The following STAG3 variants were observed in gnomAD, a reference collection of about 807,000 sequenced individuals.
The protein encoded by STAG3 is STAG3 cohesin complex component.
In STAG3, 101 loss-of-function variants were observed where a neutral mutation model predicts 160.7. That is an observed-to-expected ratio of 0.63 (90% CI 0.54 to 0.74). The LOEUF (loss-of-function observed/expected upper bound fraction) is 0.74. Ranked by LOEUF, STAG3 falls within the 30% of genes least tolerant of loss-of-function variation. STAG3 has a pLI of 0.00. For synonymous variants in STAG3, 519 were observed against 585.0 expected, an observed-to-expected ratio of 0.89 and a Z score of 1.63; for missense variants, 1,188 against 1,517.4, an observed-to-expected ratio of 0.78 and a Z score of 3.61.
chr7:100,208,859 G>C (rs1379080399), intron 29 of STAG3, among the ~76,000 whole-genome samples: 2 of 152,132 alleles, frequency 1.3e-5, no homozygotes, highest in African/African-American at 4.8e-5. Context: ...GTCTTACAAA[G>C]ACTGATCAAG....
chr7:100,191,075 C>T (rs1466335727), intron 8 of STAG3, among the ~76,000 whole-genome samples: 1 of 152,070 alleles, frequency 6.6e-6, no homozygotes, highest in African/African-American at 2.4e-5. Flanking sequence ...TCCTTGGTGT[C>T]TATTGTTCAT....
chr7:100,211,652 A>G (rs1802220707), intron 31 of STAG3, 113 bp downstream of exon 31: 15 of 1,421,162 alleles, frequency 1.1e-5, no homozygotes, highest in Non-Finnish European at 1.4e-5. Flanking sequence ...TGTTTTAGCC[A>G]CAGAGCACTT....
chr7:100,197,289 G>C lies in STAG3; in HGVS notation c.1065+10G>C. ...GACTCTGCATGATAAGGTGGGATTC[G>C]AGTCAGTTTCCCTTTCCGTTTCCTT... On this transcript the variant is annotated intron_variant, in intron 10 of 33. Coordinates refer to ENST00000615138, the MANE Select transcript of STAG3 (RefSeq NM_001282717.2). 4 of 1,607,042 alleles carry C rather than the reference G, an allele frequency of 2.5e-6. No homozygotes were observed. Among genetic ancestry groups the C allele is most frequent in the South Asian group, 1.1e-5 (1 of 90,472 alleles).
chr7:100,180,694 T>G, intron 2 of STAG3, 22 bp downstream of exon 2: 1 of 1,421,502 alleles, frequency 7.0e-7, no homozygotes, highest in South Asian at 1.1e-5. Flanking sequence ...TTGCATTGTG[T>G]GGCCACTTCC....
rs772959464 is a variant in STAG3, at chr7:100,205,222, C to G, written c.3081-5C>G. ...TTCAGGCTTTTGGTTCTACCTCTTT[C>G]ATAGACTGTCCTATCTAGAAAAGTG... On this transcript the variant is annotated splice_polypyrimidine_tract_variant and splice_region_variant and intron_variant, in intron 28 of 33. Coordinates refer to ENST00000615138, the MANE Select transcript of STAG3 (RefSeq NM_001282717.2). The G allele has an allele frequency of 6.8e-6, 11 of 1,613,662 alleles. No individual in the cohort carries two copies. The highest frequency in any genetic ancestry group is 9.3e-6 in the Non-Finnish European group (11 of 1,179,788).
At chr7:100,201,493 T>C in intron 21 of STAG3, 142 bp downstream of exon 21, 1 of 701,882 alleles carries the variant, frequency 1.4e-6, no homozygotes, top group Admixed American at 2.6e-5. Context: ...GGGTCACCTC[T>C]TACATTCCTC....
intron 16 of STAG3, among the ~76,000 whole-genome samples, chr7:100,199,899 CAA>C (rs11383220): frequency 8.2e-5 from 10 of 122,262 alleles, no homozygotes; most frequent in African/African-American, 1.2e-4. Context: ...ACTAAAAATA[CAA>C]AAAAAAAAAA....
chr7:100,217,707 C>T (rs959957740), downstream of STAG3, among the ~76,000 whole-genome samples: 41 of 152,108 alleles, frequency 2.7e-4, no homozygotes, highest in Non-Finnish European at 5.0e-4. Context: ...GTCACGTGTC[C>T]ACCAGACAGG....
chr7:100,213,675 AT>A, intron 32 of STAG3, 59 bp from the exon 33 acceptor site: 1 of 1,611,592 alleles, frequency 6.2e-7, no homozygotes, highest in African/African-American at 1.3e-5. Context: ...TGGTTTTTTT[AT>A]TTGCGAAGTG....
chr7:100,202,401 A>G, intron 24 of STAG3, 53 bp from the exon 25 acceptor site: 3 of 1,609,598 alleles, frequency 1.9e-6, no homozygotes, highest in Middle Eastern at 1.7e-4. Flanking sequence ...GCTCAGAAAT[A>G]TAGGGCAGGA....
intron 25 of STAG3, among the ~76,000 whole-genome samples, chr7:100,203,272 C>A (rs1253711964): frequency 6.6e-6 from 1 of 151,678 alleles, no homozygotes; most frequent in Admixed American, 6.6e-5. Flanking sequence ...GCAACCTCTG[C>A]CTCCCGGGGT....
intron 30 of STAG3, 106 bp downstream of exon 30, chr7:100,211,291 T>C (rs1199467243): frequency 2.0e-6 from 3 of 1,479,576 alleles, no homozygotes; most frequent in Admixed American, 4.2e-5. Context: ...CACTCCCACA[T>C]TGTTGGGTTC....
chr7:100,214,690 C>A (rs1802611198), downstream of STAG3, among the ~76,000 whole-genome samples: 1 of 152,082 alleles, frequency 6.6e-6, no homozygotes, highest in South Asian at 2.1e-4. Flanking sequence ...CCAGGCCAGG[C>A]CATGTGTCCT....
At chr7:100,203,212 T>G (rs1727145) in intron 25 of STAG3, among the ~76,000 whole-genome samples, 70,658 of 149,652 alleles carry the variant, frequency 0.47, 17,271 homozygotes, top group East Asian at 0.69. Context: ...CTGAGACAGA[T>G]TCTAGCTCTG....
Position 100,204,655 on chromosome 7 carries a change from G to A in STAG3, c.2831G>A (p.Gly944Glu). Reference protein sequence around the residue: ...QLYTELLQEHGPQGLNELPAF... With the variant: ...QLYTELLQEHEPQGLNELPAF... ...TACACAGAACTGCTGCAGGAGCATG[G>A]GCCCCAGGGCCTGAATGAGCTTCCT... is the stretch of plus-strand genomic sequence containing the variant. The change falls in exon 27 of 34, where the codon GGG (glycine) becomes GAG (glutamate). Residue 944 changes from glycine to glutamate, a missense_variant. By Grantham distance (98) the Gly-to-Glu change is moderately conservative. This residue lies in a region of STAG3 where 647 missense variants were observed against 717.2 expected (regional missense o/e 0.90). Coordinates refer to ENST00000615138, the MANE Select transcript of STAG3 (RefSeq NM_001282717.2). The A allele has an allele frequency of 6.2e-7, 1 of 1,614,106 alleles. No homozygotes were observed. The highest frequency in any genetic ancestry group is 1.1e-5 in the South Asian group (1 of 91,082).
rs3823642 is a variant in STAG3, at chr7:100,198,449, T to C, written c.1245-26T>C. ...CCAGAAGACAATGTCCCTATTCACA[T>C]ACTCTTTCTGCTTTTCTGTGGGCAG... On this transcript the variant is annotated intron_variant, in intron 12 of 33. Coordinates refer to ENST00000615138, the MANE Select transcript of STAG3 (RefSeq NM_001282717.2). The C allele has an allele frequency of 0.29, 462,549 of 1,610,486 alleles. 72,121 individuals are homozygous for C. Among genetic ancestry groups the C allele is most frequent in the East Asian group, 0.61 (27,151 of 44,870 alleles).
rs1173386530 is a variant in STAG3 at position 100,186,372 on chromosome 7, AG to A, written c.433+77del. The stretch of plus-strand genomic sequence containing the variant: ...ATGAAATTCTTTCTCCATTTAGATA[AG>A]TAGGATTAGACATTTCCTAAATAAA... On this transcript the variant is annotated intron_variant, in intron 5 of 33. Coordinates refer to ENST00000615138, the MANE Select transcript of STAG3 (RefSeq NM_001282717.2). 127 of 1,343,562 alleles carry A rather than the reference AG, an allele frequency of 9.5e-5. 1 individual carries two copies. The Middle Eastern group carries it at 1.1e-3, about 11-fold the overall frequency. The allele number at this position is 1,343,562 out of a possible 1,614,324, so 83.2% of individuals were successfully genotyped here.
Position 100,202,515 on chromosome 7 carries a change from C to G in STAG3, c.2625C>G (p.Ala875=). The change falls in exon 25 of 34, where the codon GCC becomes GCG. Residue 875 remains alanine (A), a synonymous_variant. Coordinates refer to ENST00000615138, the MANE Select transcript of STAG3 (RefSeq NM_001282717.2). ...ERLHQRRRLL[A]GFCKLLLYGV... ...TACACCAGCGGCGCCGCCTCCTAGC[C>G]GGGTTCTGCAAGCTGTTGCTTTATG... 1 of 1,614,198 alleles carries G rather than the reference C, an allele frequency of 6.2e-7. No individual in the cohort carries two copies.
rs765292419 is a variant in STAG3, at chr7:100,186,314, C to G, written c.433+18C>G. On this transcript the variant is annotated intron_variant, in intron 5 of 33. Transcript: ENST00000615138. ...ATGTAAAGGTGAGGAAACTGCTCCCCCTTTCTAATTCCCAGCCTTTTGTTC... is the reference window on the plus strand; with the variant it reads ...ATGTAAAGGTGAGGAAACTGCTCCCGCTTTCTAATTCCCAGCCTTTTGTTC... The G allele has an allele frequency of 1.3e-6, 2 of 1,594,996 alleles. No homozygotes were observed. Among genetic ancestry groups the G allele is most frequent in the Non-Finnish European group, 1.7e-6 (2 of 1,162,858 alleles).
Sources: allele counts gnomAD v4.1 joint callset (sites outside exome capture counted in the v4.1 genomes callset), GRCh38; gene constraint gnomAD v4.1.1; regional missense constraint gnomAD v4.1.1; transcripts MANE v1.5; gene names NCBI Gene and HGNC (gene_info 2026-07-23, HGNC 2026-07-21).